Variants in GRM8 observed in about 807,000 individuals in gnomAD.
GRM8 encodes the protein glutamate metabotropic receptor 8, also known as metabotropic glutamate receptor 8.
GRM8 carries 47 observed loss-of-function variants against 87.2 expected under a neutral mutation model. That is an observed-to-expected ratio of 0.54 (90% CI 0.43 to 0.69). The LOEUF is 0.69. Among genes scored for constraint, GRM8 ranks in the 30% least tolerant of loss-of-function variants. The pLI is 0.00. For synonymous variants in GRM8, 396 were observed against 404.5 expected (o/e 0.98, Z 0.25); for missense variants, 1,019 against 1,139.2 (o/e 0.89, Z 1.52).
At chr7:126,485,281 G>T (rs1413655895) in intron 9 of GRM8, among the ~76,000 whole-genome samples, 1 of 88,746 alleles carries the variant, frequency 1.1e-5, no homozygotes, top group African/African-American at 6.2e-5. Context: ...TTGGAGTTCA[G>T]CTAACAGTTT....
chr7:126,831,292 C>T (rs976980011), intron 6 of GRM8, among the ~76,000 whole-genome samples: 5 of 152,192 alleles, frequency 3.3e-5, no homozygotes, highest in African/African-American at 1.2e-4. Flanking sequence ...TTTGTCTGTG[C>T]CCTGCCCCCA....
At chr7:126,573,514 T>G (rs1369531975) in intron 8 of GRM8, among the ~76,000 whole-genome samples, 1 of 151,992 alleles carries the variant, frequency 6.6e-6, no homozygotes, top group Non-Finnish European at 1.5e-5. Context: ...AAAGCAAGCT[T>G]TGGGGAGGGA....
intron 9 of GRM8, among the ~76,000 whole-genome samples, chr7:126,472,783 G>T (rs1041795645): frequency 1.2e-4 from 18 of 152,170 alleles, no homozygotes; most frequent in African/African-American, 4.3e-4. Flanking sequence ...CCTGGGCAGA[G>T]CCCAGGGCCC....
intron 9 of GRM8, among the ~76,000 whole-genome samples, chr7:126,495,028 T>C (rs1808531587): frequency 6.6e-6 from 1 of 152,036 alleles, no homozygotes; most frequent in South Asian, 2.1e-4. Context: ...ACAAATAAAA[T>C]GCAACCCTTA....
At chr7:126,650,647 G>A (rs1001162564) in intron 7 of GRM8, among the ~76,000 whole-genome samples, 2 of 151,956 alleles carry the variant, frequency 1.3e-5, no homozygotes, top group African/African-American at 4.8e-5. Context: ...AAGAAATTTG[G>A]GGAAGAGTTA....
chr7:126,795,609 C>T (rs1485145061), intron 6 of GRM8, among the ~76,000 whole-genome samples: 1 of 152,038 alleles, frequency 6.6e-6, no homozygotes, highest in African/African-American at 2.4e-5. Context: ...GAGTAACAAC[C>T]ACCTCTCTCA....
At chr7:126,445,855 C>T (rs2106193) in intron 10 of GRM8, among the ~76,000 whole-genome samples, 126,469 of 151,962 alleles carry the variant, frequency 0.83, 52,794 homozygotes, top group Middle Eastern at 0.93. Flanking sequence ...CTTTCAAATA[C>T]CAAGCTTTGT....
intron 2 of GRM8, among the ~76,000 whole-genome samples, chr7:127,150,676 T>G (rs1828810553): frequency 6.6e-6 from 1 of 152,008 alleles, no homozygotes; most frequent in Non-Finnish European, 1.5e-5. Context: ...CCACTTAAAG[T>G]GATGGCATGG....
intron 9 of GRM8, among the ~76,000 whole-genome samples, chr7:126,506,965 C>T (rs1810569717): frequency 6.6e-6 from 1 of 151,992 alleles, no homozygotes; most frequent in Non-Finnish European, 1.5e-5. Context: ...ATTACATAGG[C>T]AGGGCATACA....
chr7:126,937,059 G>T (rs1017456627), intron 3 of GRM8, among the ~76,000 whole-genome samples: 1 of 152,244 alleles, frequency 6.6e-6, no homozygotes, highest in East Asian at 1.9e-4. Context: ...GAGGACTCCT[G>T]CTAGAAAAGC....
chr7:127,080,138 G>C (rs941434597), intron 3 of GRM8, among the ~76,000 whole-genome samples: 1 of 152,150 alleles, frequency 6.6e-6, no homozygotes, highest in East Asian at 1.9e-4. Flanking sequence ...GTAACCACAA[G>C]GGTCCTTAAA....
chr7:126,829,890 C>A (rs1353716172), intron 6 of GRM8, among the ~76,000 whole-genome samples: 1 of 151,998 alleles, frequency 6.6e-6, no homozygotes, highest in East Asian at 1.9e-4. Context: ...TCTTTTAGGG[C>A]AGGCCTGGTG....
intron 9 of GRM8, among the ~76,000 whole-genome samples, chr7:126,457,994 C>A (rs1803447629): frequency 1.4e-5 from 2 of 144,888 alleles, no homozygotes; most frequent in African/African-American, 2.5e-5. Context: ...AAAAATATGC[C>A]AGCAAATTAC....
chr7:127,199,267 T>A (rs1795463465), intron 2 of GRM8, among the ~76,000 whole-genome samples: 1 of 152,210 alleles, frequency 6.6e-6, no homozygotes, highest in African/African-American at 2.4e-5. Flanking sequence ...TTTCCTAGAA[T>A]GGATTTTCAA....
chr7:126,500,263 C>T (rs867309019), intron 9 of GRM8, among the ~76,000 whole-genome samples: 1 of 151,962 alleles, frequency 6.6e-6, no homozygotes, highest in Non-Finnish European at 1.5e-5. Flanking sequence ...TGGTAACCAC[C>T]ATTCTACTCT....
At chr7:126,978,183 A>G (rs931732481) in intron 3 of GRM8, among the ~76,000 whole-genome samples, 4 of 151,894 alleles carry the variant, frequency 2.6e-5, no homozygotes, top group Non-Finnish European at 5.9e-5. Context: ...GGGAAGGAGA[A>G]AAAGAGTAGG....
rs372733476 is a variant in GRM8 at position 126,775,479 on chromosome 7, G to GTTTTTTTTTTTTTTTTTT, written c.1157-5432_1157-5415dup. Among the ~76,000 whole-genome samples, 15 of 104,756 alleles carry GTTTTTTTTTTTTTTTTTT rather than the reference G, an allele frequency of 1.4e-4. 1 individual carries two copies. Among genetic ancestry groups the GTTTTTTTTTTTTTTTTTT allele is most frequent in the African/African-American group, 5.6e-4 (13 of 23,056 alleles). The allele number at this position is 104,756 out of a possible 152,430, so 68.7% of individuals were successfully genotyped here. On this transcript the variant is annotated intron_variant, in intron 6 of 10. Transcript: ENST00000339582. ...TGAGCGCTATCAAGCTGACAAATAG[G>GTTTTTTTTTTTTTTTTTT]TTTTTTTTTTTTTTTTTTTTTTTTT...
intron 3 of GRM8, among the ~76,000 whole-genome samples, chr7:126,950,292 A>C (rs1285663792): frequency 1.3e-5 from 2 of 152,218 alleles, no homozygotes; most frequent in Admixed American, 1.3e-4. Flanking sequence ...ACTGCAGAAA[A>C]ATATTCACAA....
intron 3 of GRM8, among the ~76,000 whole-genome samples, chr7:126,947,335 T>C (rs1006991126): frequency 1.3e-5 from 2 of 152,198 alleles, no homozygotes; most frequent in Non-Finnish European, 2.9e-5. Flanking sequence ...ACATTAATAC[T>C]TTGCCCCTTG....
Sources: gnomAD v4.1 joint callset for allele counts (sites outside exome capture counted in the v4.1 genomes callset) on GRCh38, gnomAD v4.1.1 for gene constraint, MANE v1.5 for transcripts, NCBI Gene and HGNC (gene_info 2026-07-23, HGNC 2026-07-21) for gene names.